Variants in POLR1A observed in about 807,000 individuals in gnomAD.
POLR1A encodes DNA-directed RNA polymerase I subunit RPA1.
In POLR1A, 84 loss-of-function variants were observed where a neutral mutation model predicts 205.3. The ratio of observed to expected loss-of-function variants is 0.41; its 90% CI spans 0.34 to 0.49. POLR1A has a LOEUF of 0.49. Among genes scored for constraint, POLR1A ranks in the 20% least tolerant of loss-of-function variants. The probability of loss-of-function intolerance (pLI) is 0.22; values close to 1 mark genes in which losing one functional copy is unlikely to be tolerated. For synonymous variants in POLR1A, 799 were observed against 863.7 expected, an observed-to-expected ratio of 0.93 and a Z score of 1.31; for missense variants, 1,645 against 2,204.5, an observed-to-expected ratio of 0.75 and a Z score of 5.08.
intron 29 of POLR1A, among the ~76,000 whole-genome samples, chr2:86,032,067 C>T (rs907068200): frequency 2.0e-5 from 3 of 152,210 alleles, no homozygotes; most frequent in African/African-American, 7.2e-5. Flanking sequence ...AAAAGGCAGC[C>T]CTGGAGTGGA....
At position 86,054,137 on chromosome 2, in the gene POLR1A, T is replaced by C. The variant is rs201747862; in HGVS notation, c.2208+3A>G. ...TCCACTCCACACAGCTGGACAGCCA[T>C]ACCTGGGACTCGCACATCGAGTCAG... On this transcript the variant is annotated splice_donor_region_variant and intron_variant, in intron 15 of 33. Coordinates refer to ENST00000263857, the MANE Select transcript of POLR1A (RefSeq NM_015425.6). The C allele has an allele frequency of 7.4e-6, 12 of 1,613,722 alleles. No homozygotes were observed. Among genetic ancestry groups the C allele is most frequent in the Non-Finnish European group, 1.0e-5 (12 of 1,179,752 alleles).
chr2:86,066,423 T>C (rs1220369494), intron 13 of POLR1A, among the ~76,000 whole-genome samples: 1 of 152,174 alleles, frequency 6.6e-6, no homozygotes, highest in Non-Finnish European at 1.5e-5. Flanking sequence ...TGATCCCCAG[T>C]CTCCTGAACC....
intron 1 of POLR1A, among the ~76,000 whole-genome samples, chr2:86,104,748 T>C (rs1253611801): frequency 6.6e-6 from 1 of 152,186 alleles, no homozygotes; most frequent in Admixed American, 6.5e-5. Context: ...TGCCCGGCCA[T>C]GTTGAGTTTC....
intron 3 of POLR1A, among the ~76,000 whole-genome samples, chr2:86,092,423 G>C (rs1673623487): frequency 6.6e-6 from 1 of 152,242 alleles, no homozygotes; most frequent in Non-Finnish European, 1.5e-5. Context: ...CATGTGGGGA[G>C]CCAAAGACAA....
chr2:86,082,172 G>A (rs867586572), intron 7 of POLR1A, among the ~76,000 whole-genome samples: 2 of 152,136 alleles, frequency 1.3e-5, no homozygotes, highest in Middle Eastern at 6.8e-3. Context: ...TAGCCCCTGT[G>A]TACATGACAG....
In POLR1A at chr2:86,096,180, C is replaced by T. The variant is rs140632197; in HGVS notation, c.432+2431G>A. Among the ~76,000 whole-genome samples, 1,144 of 152,098 alleles carry T rather than the reference C, an allele frequency of 7.5e-3. 10 individuals carry two copies. Among genetic ancestry groups the T allele is most frequent in the Non-Finnish European group, 0.01 (703 of 67,974 alleles). ...GAAAAAGAAATCAAGAAGGCAATCC[C>T]GTTTATAATAGCTACCAAAAAAATA... On this transcript the variant is annotated intron_variant, in intron 3 of 33. Transcript: ENST00000263857.
At chr2:86,054,054 GTGCCTCCATTTC>G in intron 15 of POLR1A, 74 bp downstream of exon 15, 1 of 1,314,908 alleles carries the variant, frequency 7.6e-7, no homozygotes, top group Non-Finnish European at 1.1e-6. Flanking sequence ...TTCTGTGAAT[GTGCCTCCATTTC>G]TGTCTCCATT....
chr2:86,039,016 TG>T, intron 26 of POLR1A, 159 bp from the exon 27 acceptor site: 1 of 689,596 alleles, frequency 1.5e-6, no homozygotes, highest in Non-Finnish European at 2.4e-6. Context: ...GTGGATCTGC[TG>T]GGGGGCCCAC....
chr2:86,085,736 CCCT>C (rs1418798234), intron 6 of POLR1A, among the ~76,000 whole-genome samples: 2 of 152,178 alleles, frequency 1.3e-5, no homozygotes, highest in Admixed American at 1.3e-4. Context: ...GCGCTGCATC[CCCT>C]CCTAACAAGA....
Position 86,040,535 on chromosome 2 carries a change from C to CT in POLR1A, c.3596dup (p.Trp1200ValfsTer7). ...CCGGCTCACACAGTGAGCGCTGCCA[C>CT]TTCAGCTGCAGCAAGGTCCTCAACC... On this transcript the variant is annotated frameshift_variant, in exon 25 of 34. Coordinates refer to ENST00000263857, the MANE Select transcript of POLR1A (RefSeq NM_015425.6). LOFTEE classifies it high-confidence loss of function. 1 of 1,592,162 alleles carries CT rather than the reference C, an allele frequency of 6.3e-7. No individual in the cohort carries two copies. Among genetic ancestry groups the CT allele is most frequent in the Non-Finnish European group, 8.6e-7 (1 of 1,168,654 alleles).
intron 13 of POLR1A, 82 bp downstream of exon 13, chr2:86,069,936 C>A: frequency 6.8e-7 from 1 of 1,479,242 alleles, no homozygotes; most frequent in Non-Finnish European, 9.1e-7. Flanking sequence ...TGCCCAATGA[C>A]CCCAGGGGCT....
intron 6 of POLR1A, among the ~76,000 whole-genome samples, chr2:86,088,117 G>GGGATCTGGGT (rs1165570143): frequency 6.6e-6 from 1 of 152,146 alleles, no homozygotes; most frequent in African/African-American, 2.4e-5. Context: ...TCTACCTGGG[G>GGGATCTGGGT]GGATCTGGGT....
At chr2:86,068,393 G>GGGT (rs1673121936) in intron 13 of POLR1A, among the ~76,000 whole-genome samples, 1 of 115,676 alleles carries the variant, frequency 8.6e-6, no homozygotes, top group African/African-American at 3.3e-5. Flanking sequence ...GGGCGGGGGG[G>GGGT]GGGGGCGGGT....
chr2:86,099,915 C>G, intron 2 of POLR1A, 53 bp downstream of exon 2: 2 of 1,481,810 alleles, frequency 1.3e-6, no homozygotes, highest in Admixed American at 1.7e-5. Context: ...AGAGGCAGCA[C>G]TCACAAATCC....
chr2:86,031,874 A>T (rs1399539406), intron 29 of POLR1A, among the ~76,000 whole-genome samples: 2 of 152,140 alleles, frequency 1.3e-5, no homozygotes, highest in Non-Finnish European at 2.9e-5. Context: ...ACCCTCACTC[A>T]GCCCTCACTG....
chr2:86,034,026 G>A lies in POLR1A; in HGVS notation c.4035-239C>T, dbSNP rs564508051. Among the ~76,000 whole-genome samples, 4 of 152,302 alleles carry A rather than the reference G, an allele frequency of 2.6e-5. 1 individual carries two copies. The highest frequency in any genetic ancestry group is 6.8e-3 in the Middle Eastern group (2 of 294). On this transcript the variant is annotated intron_variant, in intron 27 of 33. Transcript: ENST00000263857. ...TCTCAATAGGTGCACTGCCACTCCC[G>A]GGGTATGAGTAGGACAGGCAGCTTC...
chr2:86,080,061 T>C (rs757711422), intron 9 of POLR1A, among the ~76,000 whole-genome samples: 5 of 152,074 alleles, frequency 3.3e-5, no homozygotes, highest in Non-Finnish European at 7.4e-5. Flanking sequence ...ACCATAAGTG[T>C]CCAAGAGACA....
chr2:86,040,146 C>A (rs964642143), intron 25 of POLR1A: 3 of 377,576 alleles, frequency 7.9e-6, no homozygotes, highest in Non-Finnish European at 9.4e-6. Context: ...CACAGGCATC[C>A]CCAGGAACGT....
At chr2:86,093,268 T>C (rs970203710) in intron 3 of POLR1A, among the ~76,000 whole-genome samples, 2 of 152,210 alleles carry the variant, frequency 1.3e-5, no homozygotes, top group Non-Finnish European at 2.9e-5. Context: ...ATTTTAAGGG[T>C]ATAATTTATT....
Sources: allele counts gnomAD v4.1 joint callset (sites outside exome capture counted in the v4.1 genomes callset), GRCh38; gene constraint gnomAD v4.1.1; transcripts MANE v1.5; gene names NCBI Gene and HGNC (gene_info 2026-07-23, HGNC 2026-07-21).